Variants in XPOT observed in about 807,000 individuals in gnomAD.
XPOT encodes exportin for tRNA.
Under a neutral mutation model 128.2 loss-of-function variants are expected in XPOT, and 34 were observed. The ratio of observed to expected loss-of-function variants is 0.27; its 90% CI spans 0.20 to 0.35. The LOEUF is 0.35. XPOT is among the 10% of genes least tolerant of loss of function. The pLI is 1.00. For synonymous variants in XPOT, 348 were observed against 394.3 expected, an observed-to-expected ratio of 0.88 and a Z score of 1.39; for missense variants, 838 against 1,125.3, an observed-to-expected ratio of 0.74 and a Z score of 3.65.
At chr12:64,414,504 T>C (rs892097466) in intron 2 of XPOT, among the ~76,000 whole-genome samples, 3 of 152,134 alleles carry the variant, frequency 2.0e-5, no homozygotes, top group Admixed American at 2.0e-4. Flanking sequence ...TGCTATTAAA[T>C]AGGAAAAGTG....
chr12:64,439,459 C>A, intron 23 of XPOT, 144 bp downstream of exon 23: 1 of 708,632 alleles, frequency 1.4e-6, no homozygotes, highest in Non-Finnish European at 2.3e-6. Flanking sequence ...TTATGCTTAT[C>A]ACCATTTTGA....
intron 17 of XPOT, among the ~76,000 whole-genome samples, chr12:64,430,723 G>C (rs746359333): frequency 7.2e-5 from 11 of 152,238 alleles, no homozygotes; most frequent in Non-Finnish European, 1.5e-4. Flanking sequence ...ACAACAGCAT[G>C]AAAGTTGTAA....
intron 20 of XPOT, 59 bp from the exon 21 acceptor site, chr12:64,434,735 G>C: frequency 6.4e-7 from 1 of 1,567,362 alleles, no homozygotes; most frequent in South Asian, 1.1e-5. Flanking sequence ...GTTTTCCCTG[G>C]TGATGAATTA....
chr12:64,433,492 G>C lies in XPOT; in HGVS notation c.2341G>C (p.Glu781Gln), dbSNP rs11553448. Reference sequence around the variant, plus strand: ...TTTTGAAGTGCTGCTCCGGCCAGCAGAAGAAAATGACCAGTCTGCTGCTTT... The same window carrying C: ...TTTTGAAGTGCTGCTCCGGCCAGCACAAGAAAATGACCAGTCTGCTGCTTT... ...AIFEVLLRPA[E>Q]ENDQSAALEK... Residue 781 changes from glutamate (E) to glutamine (Q), a missense_variant, in exon 19 of 25, where the codon GAA (glutamate) becomes CAA (glutamine). Coordinates refer to ENST00000332707, the MANE Select transcript of XPOT (RefSeq NM_007235.6). The C allele has an allele frequency of 6.2e-7, 1 of 1,611,678 alleles. No homozygotes were observed. The highest frequency in any genetic ancestry group is 1.1e-5 in the South Asian group (1 of 90,684).
Position 64,430,065 on chromosome 12 carries a change from C to A in XPOT, c.1754C>A (p.Ser585Tyr). The A allele has an allele frequency of 6.3e-7, 1 of 1,599,770 alleles. No individual in the cohort carries two copies. Among genetic ancestry groups the A allele is most frequent in the Non-Finnish European group, 8.5e-7 (1 of 1,174,996 alleles). Residue 585 changes from serine (S) to tyrosine (Y), a missense_variant, in exon 17 of 25, where the codon TCC becomes TAC. Around this residue, in one of 3 missense-constraint regions of XPOT, gnomAD observed 761 missense variants for 988.3 expected, o/e 0.77. Transcript: ENST00000332707. ...TCATTCTAGGAGAATGGCCACCAGTCCTTACTGAGCAGCGATGATCAACTT... is the reference window on the plus strand; with the variant it reads ...TCATTCTAGGAGAATGGCCACCAGTACTTACTGAGCAGCGATGATCAACTT... ...ELSPPENGHQ[S>Y]LLSSDDQLFI...
intron 23 of XPOT, chr12:64,442,526 GTGTTGCTTTGTACTTCCC>G (rs2136039037): frequency 6.6e-6 from 1 of 152,506 alleles, no homozygotes; most frequent in East Asian, 1.9e-4. Flanking sequence ...CTGGCTTTCA[GTGTTGCTTTGTACTTCCC>G]TGTCGTCTCC....
At chr12:64,438,237 A>C (rs1036277164) in intron 22 of XPOT, among the ~76,000 whole-genome samples, 24 of 152,234 alleles carry the variant, frequency 1.6e-4, no homozygotes, top group African/African-American at 5.5e-4. Context: ...TTGCTTCAGA[A>C]AACAAAAAAA....
At chr12:64,432,761 T>C (rs535343208) in intron 18 of XPOT, among the ~76,000 whole-genome samples, 9 of 152,344 alleles carry the variant, frequency 5.9e-5, no homozygotes, top group African/African-American at 2.2e-4. Flanking sequence ...TTTACCTTTG[T>C]TCAAAAACAA....
intron 1 of XPOT, among the ~76,000 whole-genome samples, chr12:64,405,710 C>T (rs1286900095): frequency 6.6e-6 from 1 of 152,266 alleles, no homozygotes; most frequent in East Asian, 1.9e-4. Context: ...CCTCTGCCTC[C>T]CAGGTTCAAG....
chr12:64,434,572 A>G lies in XPOT; in HGVS notation c.2518A>G (p.Ile840Val), dbSNP rs765664920. Residue 840 changes from isoleucine (I) to valine (V), a missense_variant, in exon 20 of 25, where the codon ATT becomes GTT. Physicochemically the swap from Ile to Val is conservative, Grantham distance 29. This residue lies in a region of XPOT where 761 missense variants were observed against 988.3 expected (regional missense o/e 0.77). Coordinates refer to ENST00000332707, the MANE Select transcript of XPOT (RefSeq NM_007235.6). ...AGGAGCAGTTGAATATCCAGATCCA[A>G]TTGCACAGAAAACATGTTTTATCAT... ...IQGAVEYPDP[I>V]AQKTCFIILS... 19 of 1,613,960 alleles carry G rather than the reference A, an allele frequency of 1.2e-5. No homozygotes were observed. Among genetic ancestry groups the G allele is most frequent in the Middle Eastern group, 1.6e-4 (1 of 6,082 alleles).
intron 24 of XPOT, 92 bp downstream of exon 24, chr12:64,445,223 G>A (rs2040358852): frequency 7.2e-6 from 7 of 973,964 alleles, no homozygotes; most frequent in African/African-American, 4.9e-5. Context: ...AGATGTTTAT[G>A]TGAAGTCCCT....
At position 64,420,527 on chromosome 12, in the gene XPOT, T is replaced by C. The variant is rs1212298009; in HGVS notation, c.843+6T>C. 1.9e-6 allele frequency: 3 copies of C among 1,600,200 alleles called. No homozygotes were observed. In the Admixed American group the frequency reaches 5.2e-5, roughly 28 times the overall value. On this transcript the variant is annotated splice_donor_region_variant and intron_variant, in intron 8 of 24. Coordinates refer to ENST00000332707, the MANE Select transcript of XPOT (RefSeq NM_007235.6). Reference sequence around the variant, plus strand: ...GGTTTTTCAGCATTGACCAGGTTGGTAAATTTATATAAAACATTGTATGTA... The same window carrying C: ...GGTTTTTCAGCATTGACCAGGTTGGCAAATTTATATAAAACATTGTATGTA...
intron 15 of XPOT, among the ~76,000 whole-genome samples, chr12:64,426,450 A>C (rs1038363738): frequency 1.3e-5 from 2 of 152,214 alleles, no homozygotes; most frequent in Non-Finnish European, 2.9e-5. Flanking sequence ...ACAAAAAAAC[A>C]AATGCCACAT....
At chr12:64,446,917 C>G (rs960393041) in intron 24 of XPOT, among the ~76,000 whole-genome samples, 1 of 152,150 alleles carries the variant, frequency 6.6e-6, no homozygotes, top group Non-Finnish European at 1.5e-5. Flanking sequence ...TCCATTTTCA[C>G]GCTGCTGATA....
At position 64,448,439 on chromosome 12, in the gene XPOT, A is replaced by G. The variant is rs2040382575; in HGVS notation, c.*308A>G. On this transcript the variant is annotated 3_prime_UTR_variant, in exon 25 of 25. Transcript: ENST00000332707. ...AAGTCAAGTCCTTTATAAAGACCAT[A>G]GCAGTGGAAAACAGTGTACTTTTTA... 1 of 274,720 alleles carries G rather than the reference A, an allele frequency of 3.6e-6. No individual in the cohort carries two copies. Among genetic ancestry groups the G allele is most frequent in the Non-Finnish European group, 6.8e-6 (1 of 146,780 alleles). The allele number at this position is 274,720 out of a possible 1,614,324, so 17.0% of individuals were successfully genotyped here. A position where few individuals can be genotyped will look rare whatever the true frequency, so the allele number is the denominator to read the frequency against.
chr12:64,413,134 C>T (rs1307262424), intron 2 of XPOT, among the ~76,000 whole-genome samples: 1 of 152,166 alleles, frequency 6.6e-6, no homozygotes, highest in Non-Finnish European at 1.5e-5. Context: ...CAGCTGTATC[C>T]TGAGGCTGTC....
chr12:64,435,182 A>T (rs2040272611), intron 21 of XPOT, among the ~76,000 whole-genome samples: 1 of 152,182 alleles, frequency 6.6e-6, no homozygotes, highest in African/African-American at 2.4e-5. Context: ...TGTCACAAAC[A>T]TTCTTTCAAG....
At position 64,449,713 on chromosome 12, in the gene XPOT, C is replaced by T. The variant is rs889514478; in HGVS notation, c.*1582C>T. 2 of 152,148 alleles carry T rather than the reference C, an allele frequency of 1.3e-5. No homozygotes were observed. Among genetic ancestry groups the T allele is most frequent in the Non-Finnish European group, 2.9e-5 (2 of 68,022 alleles). 9.4% of individuals were successfully genotyped at this position (152,148 alleles called of 1,614,324 possible). ...TATAAAAATAAATCAGTGAAATGTACCTTATACTTTAATAAAAAATGTTTT... is the reference window on the plus strand; with the variant it reads ...TATAAAAATAAATCAGTGAAATGTATCTTATACTTTAATAAAAAATGTTTT... On this transcript the variant is annotated 3_prime_UTR_variant, in exon 25 of 25. Transcript: ENST00000332707.
chr12:64,434,852 A>G lies in XPOT; in HGVS notation c.2628A>G (p.Ala876=). The change falls in exon 21 of 25, where the codon GCA becomes GCG. Residue 876 remains alanine (A), a synonymous_variant. Coordinates refer to ENST00000332707, the MANE Select transcript of XPOT (RefSeq NM_007235.6). ...ADFVYKHIVP[A]CFLAPLKQTF... is the part of the protein sequence containing the mutation. ...TTGTTTATAAGCACATTGTCCCCGC[A>G]TGTTTCCTAGCACCTTTAAAACAAA... The G allele has an allele frequency of 1.2e-6, 2 of 1,612,270 alleles. No individual in the cohort carries two copies. The highest frequency in any genetic ancestry group is 2.2e-5 in the East Asian group (1 of 44,860).
Sources: allele counts gnomAD v4.1 joint callset (sites outside exome capture counted in the v4.1 genomes callset), GRCh38; gene constraint gnomAD v4.1.1; regional missense constraint gnomAD v4.1.1; transcripts MANE v1.5; gene names NCBI Gene and HGNC (gene_info 2026-07-23, HGNC 2026-07-21).